TUBGCP4: variants seen among roughly 807,000 people sequenced by gnomAD.
TUBGCP4 encodes the protein gamma-tubulin complex component 4.
TUBGCP4 carries 54 observed loss-of-function variants against 91.6 expected under a neutral mutation model. That is an observed-to-expected ratio of 0.59 (90% confidence interval 0.47 to 0.74). The LOEUF (loss-of-function observed/expected upper bound fraction) is 0.74. Ranked by LOEUF, TUBGCP4 falls within the 30% of genes least tolerant of loss-of-function variation. The pLI is 0.00. For synonymous variants in TUBGCP4, 297 were observed against 302.8 expected (o/e 0.98, Z 0.20); for missense variants, 593 against 800.9 (o/e 0.74, Z 3.13).
intron 11 of TUBGCP4, among the ~76,000 whole-genome samples, chr15:43,396,894 T>C (rs933275227): frequency 2.0e-5 from 3 of 152,126 alleles, no homozygotes; most frequent in African/African-American, 7.2e-5. Context: ...CCCTAAACAA[T>C]ATAGCATAAC....
At chr15:43,394,834 TC>T (rs2044554721) in intron 9 of TUBGCP4, 1 of 446,146 alleles carries the variant, frequency 2.2e-6, no homozygotes, top group Non-Finnish European at 4.1e-6. Context: ...TCCTGAGGCC[TC>T]CCTAGAAGCC....
chr15:43,398,271 G>A, intron 13 of TUBGCP4, 92 bp downstream of exon 13: 1 of 1,450,416 alleles, frequency 6.9e-7, no homozygotes, highest in South Asian at 1.3e-5. Context: ...GGAAAGCAAG[G>A]TGTGGTGGCA....
Position 43,408,896 on chromosome 15 carries a change from C to T in TUBGCP4, c.*3682C>T. ...ATTCTGGATGGGCTTCAAATACTTA[C>T]CAGTCCAGAATTCTTTGCTCCTCAA... On this transcript the variant is annotated 3_prime_UTR_variant, in exon 18 of 18. Coordinates refer to ENST00000564079, the MANE Select transcript of TUBGCP4 (RefSeq NM_014444.5). The T allele has an allele frequency of 6.2e-7, 1 of 1,614,094 alleles. No homozygotes were observed. The highest frequency in any genetic ancestry group is 8.5e-7 in the Non-Finnish European group (1 of 1,179,982).
intron 17 of TUBGCP4, chr15:43,404,936 C>CT (rs2044814666): frequency 3.7e-6 from 2 of 534,404 alleles, no homozygotes; most frequent in Admixed American, 3.5e-5. Flanking sequence ...TAACTCTAAA[C>CT]TTTAAAAAAA....
rs1367901687 is a variant in TUBGCP4 at position 43,407,894 on chromosome 15, T to C, written c.*2680T>C. On this transcript the variant is annotated 3_prime_UTR_variant, in exon 18 of 18. Transcript: ENST00000564079. ...GACCACAAGGCCTAACACCTACAGG[T>C]CTAAGGAGATCCCTGGAACAAAGAC... 1 of 1,576,676 alleles carries C rather than the reference T, an allele frequency of 6.3e-7. No individual in the cohort carries two copies. Among genetic ancestry groups the C allele is most frequent in the Non-Finnish European group, 8.6e-7 (1 of 1,163,856 alleles).
rs2044970608 is a variant in TUBGCP4 at position 43,407,950 on chromosome 15, A to G, written c.*2736A>G. On this transcript the variant is annotated 3_prime_UTR_variant, in exon 18 of 18. Transcript: ENST00000564079. Reference sequence around the variant, plus strand: ...ACACACTCTTTCAGGTACCTTTGTTATGGGCACTTGAATGGTGCTGCTTCA... The same window carrying G: ...ACACACTCTTTCAGGTACCTTTGTTGTGGGCACTTGAATGGTGCTGCTTCA... 1 of 1,612,478 alleles carries G rather than the reference A, an allele frequency of 6.2e-7. No homozygotes were observed. The highest frequency in any genetic ancestry group is 8.5e-7 in the Non-Finnish European group (1 of 1,179,862).
chr15:43,400,185 G>C lies in TUBGCP4; in HGVS notation c.1560G>C (p.Met520Ile), dbSNP rs1359330260. ...DAIKWRLRNH[M>I]AFLVDNLQYY... The stretch of plus-strand genomic sequence containing the variant: ...TCAAGTGGCGCCTAAGAAATCACAT[G>C]GCATTTTTGGTGGATAATCTTCAGT... Residue 520 changes from methionine (M) to isoleucine (I), a missense_variant, in exon 14 of 18, where the codon ATG becomes ATC. Coordinates refer to ENST00000564079, the MANE Select transcript of TUBGCP4 (RefSeq NM_014444.5). The C allele has an allele frequency of 5.0e-6, 8 of 1,614,126 alleles. No individual in the cohort carries two copies. The highest frequency in any genetic ancestry group is 6.8e-6 in the Non-Finnish European group (8 of 1,180,024).
Position 43,406,378 on chromosome 15 carries a change from T to C in TUBGCP4, c.*1164T>C. 1 of 321,422 alleles carries C rather than the reference T, an allele frequency of 3.1e-6. No homozygotes were observed. Among genetic ancestry groups the C allele is most frequent in the Non-Finnish European group, 6.1e-6 (1 of 162,688 alleles). 19.9% of individuals were successfully genotyped at this position (321,422 alleles called of 1,614,324 possible). A position where few individuals can be genotyped will look rare whatever the true frequency, so the allele number is the denominator to read the frequency against. On this transcript the variant is annotated 3_prime_UTR_variant, in exon 18 of 18. Transcript: ENST00000564079. Reference sequence around the variant, plus strand: ...GAAGCTCTGACAACTTATTCCCTGCTATTATCAACTAAAGATCACCCTTTC... The same window carrying C: ...GAAGCTCTGACAACTTATTCCCTGCCATTATCAACTAAAGATCACCCTTTC...
rs1394903341 is a variant in TUBGCP4, at chr15:43,409,154, C to G, written c.*3940C>G. ...GTGACTTCTGTGGAAAGCTCCTAAG[C>G]AGCAGCCATAATGAGCCATGAAGAG... On this transcript the variant is annotated 3_prime_UTR_variant, in exon 18 of 18. Transcript: ENST00000564079. 3 of 1,531,344 alleles carry G rather than the reference C, an allele frequency of 2.0e-6. No individual in the cohort carries two copies. The highest frequency in any genetic ancestry group is 4.5e-5 in the East Asian group (2 of 44,316). 94.9% of individuals were successfully genotyped at this position (1,531,344 alleles called of 1,614,324 possible).
At position 43,382,993 on chromosome 15, in the gene TUBGCP4, T is replaced by C. The variant is rs1409227381; in HGVS notation, c.522-310T>C. Among the ~76,000 whole-genome samples the C allele has an allele frequency of 2.6e-5, 4 of 152,226 alleles. No homozygotes were observed. The East Asian group carries it at 7.7e-4, about 29-fold the overall frequency. On this transcript the variant is annotated intron_variant, in intron 6 of 17. Coordinates refer to ENST00000564079, the MANE Select transcript of TUBGCP4 (RefSeq NM_014444.5). ...TTTTTAAAATTTTTTATTATTTTTA[T>C]TTTTTATTGCTATAAAACAGTTGTA...
At position 43,407,564 on chromosome 15, in the gene TUBGCP4, G is replaced by T; in HGVS notation, c.*2350G>T. 2 of 1,611,140 alleles carry T rather than the reference G, an allele frequency of 1.2e-6. No homozygotes were observed. The highest frequency in any genetic ancestry group is 1.7e-6 in the Non-Finnish European group (2 of 1,177,956). On this transcript the variant is annotated 3_prime_UTR_variant, in exon 18 of 18. Transcript: ENST00000564079. ...CACCACCACATCAAATACCCCTAAAGCAATATCTGCAAGGAGCAAGGGAAA... is the reference window on the plus strand; with the variant it reads ...CACCACCACATCAAATACCCCTAAATCAATATCTGCAAGGAGCAAGGGAAA...
At chr15:43,383,048 T>C (rs1426968785) in intron 6 of TUBGCP4, among the ~76,000 whole-genome samples, 1 of 152,206 alleles carries the variant, frequency 6.6e-6, no homozygotes, top group African/African-American at 2.4e-5. Context: ...TTTTGAAAAT[T>C]ACATAAAAGA....
chr15:43,386,669 C>T (rs1311235175), intron 9 of TUBGCP4, among the ~76,000 whole-genome samples: 3 of 138,140 alleles, frequency 2.2e-5, no homozygotes, highest in Non-Finnish European at 4.6e-5. Context: ...AGGTTGCAGT[C>T]AGCCGAGATC....
chr15:43,383,401 A>C lies in TUBGCP4; in HGVS notation c.620A>C (p.Gln207Pro). Residue 207 changes from glutamine (Q) to proline (P), a missense_variant, in exon 7 of 18, where the codon CAG becomes CCG. Coordinates refer to ENST00000564079, the MANE Select transcript of TUBGCP4 (RefSeq NM_014444.5). ...LDQHEEFFIK[Q>P]GPSSGNVSAQ... is the part of the protein sequence containing the mutation. ...CAGCATGAAGAATTCTTTATCAAAC[A>C]GGGGCCATCTTCTGGTAATGTCAGT... 1 of 1,614,184 alleles carries C rather than the reference A, an allele frequency of 6.2e-7. No homozygotes were observed. The highest frequency in any genetic ancestry group is 8.5e-7 in the Non-Finnish European group (1 of 1,180,028).
chr15:43,406,691 T>C lies in TUBGCP4; in HGVS notation c.*1477T>C. ...GAAGGGAAGGAACTGCTTCCAGCTATTGTGACAATAATAATAATAATAATA... is the reference window on the plus strand; with the variant it reads ...GAAGGGAAGGAACTGCTTCCAGCTACTGTGACAATAATAATAATAATAATA... On this transcript the variant is annotated 3_prime_UTR_variant, in exon 18 of 18. Transcript: ENST00000564079. 2.3e-6 allele frequency: 1 copy of C among 440,978 alleles called. No individual in the cohort carries two copies. The highest frequency in any genetic ancestry group is 2.0e-5 in the African/African-American group (1 of 49,086). The allele number at this position is 440,978 out of a possible 1,614,324, so 27.3% of individuals were successfully genotyped here. A position where few individuals can be genotyped will look rare whatever the true frequency, so the allele number is the denominator to read the frequency against.
chr15:43,407,378 T>C lies in TUBGCP4; in HGVS notation c.*2164T>C. The stretch of plus-strand genomic sequence containing the variant: ...AGGGAATAAAACCAGTAAGACCAAG[T>C]ATCTTTAGTGAGAAACATAATCGTG... On this transcript the variant is annotated 3_prime_UTR_variant, in exon 18 of 18. Transcript: ENST00000564079. 3 of 1,613,692 alleles carry C rather than the reference T, an allele frequency of 1.9e-6. No homozygotes were observed. Among genetic ancestry groups the C allele is most frequent in the Non-Finnish European group, 2.5e-6 (3 of 1,179,634 alleles).
chr15:43,397,741 C>G (rs955594810), intron 12 of TUBGCP4, among the ~76,000 whole-genome samples: 26 of 152,140 alleles, frequency 1.7e-4, no homozygotes, highest in African/African-American at 6.0e-4. Flanking sequence ...GACAGAGTCT[C>G]ACTCTGTTGA....
intron 9 of TUBGCP4, among the ~76,000 whole-genome samples, chr15:43,392,481 T>TTTTG (rs888264087): frequency 1.3e-5 from 2 of 151,972 alleles, no homozygotes; most frequent in Non-Finnish European, 2.9e-5. Context: ...CAGGTCTGGT[T>TTTTG]TTTGTTTGTT....
intron 12 of TUBGCP4, 146 bp downstream of exon 12, chr15:43,397,467 A>C (rs1266611428): frequency 6.0e-6 from 4 of 666,098 alleles, no homozygotes; most frequent in Admixed American, 2.5e-5. Context: ...TAGAGAAGAA[A>C]AGGAAAGTCC....
Sources: gnomAD v4.1 joint callset for allele counts (sites outside exome capture counted in the v4.1 genomes callset) on GRCh38, gnomAD v4.1.1 for gene constraint, MANE v1.5 for transcripts, NCBI Gene and HGNC (gene_info 2026-07-23, HGNC 2026-07-21) for gene names.